The following SMYD3 variants were observed in gnomAD, a reference collection of about 807,000 sequenced individuals.
SMYD3 encodes the protein histone-lysine N-methyltransferase SMYD3.
SMYD3 carries 36 observed loss-of-function variants against 57.7 expected under a neutral mutation model. That is an observed-to-expected ratio of 0.62 (90% CI 0.48 to 0.82). SMYD3 has a LOEUF of 0.82. Among genes scored for constraint, SMYD3 ranks in the 40% least tolerant of loss-of-function variants. The probability of loss-of-function intolerance (pLI) is 0.00; values close to 1 mark genes in which losing one functional copy is unlikely to be tolerated. For missense variants in SMYD3, 515 were observed against 538.8 expected (o/e 0.96, Z 0.44); for synonymous variants, 211 against 195.0 (o/e 1.08, Z -0.68).
At chr1:245,762,760 A>G (rs1269938164) in intron 11 of SMYD3, among the ~76,000 whole-genome samples, 1 of 152,138 alleles carries the variant, frequency 6.6e-6, no homozygotes, top group Non-Finnish European at 1.5e-5. Context: ...GGCATTTGTC[A>G]TTTCTCTTAG....
intron 8 of SMYD3, among the ~76,000 whole-genome samples, chr1:245,888,082 G>A (rs1352739433): frequency 2.6e-5 from 4 of 152,208 alleles, no homozygotes; most frequent in Admixed American, 6.5e-5. Flanking sequence ...TTGTTGGGGT[G>A]AGTCAGGGCT....
intron 5 of SMYD3, among the ~76,000 whole-genome samples, chr1:246,040,357 C>T (rs1038727872): frequency 1.3e-5 from 2 of 152,210 alleles, no homozygotes; most frequent in African/African-American, 2.4e-5. Flanking sequence ...ACTTGTGCTT[C>T]GCCACCACAA....
intron 11 of SMYD3, 110 bp from the exon 12 acceptor site, chr1:245,749,774 G>C (rs1251804586): frequency 6.6e-6 from 5 of 757,030 alleles, no homozygotes; most frequent in Non-Finnish European, 1.1e-5. Context: ...CAGGTTTACA[G>C]GGTGAACAGT....
chr1:246,497,477 C>T (rs536635220), intron 1 of SMYD3, among the ~76,000 whole-genome samples: 3 of 152,230 alleles, frequency 2.0e-5, no homozygotes, highest in Admixed American at 6.5e-5. Context: ...TATTTGTATG[C>T]TTTTTACTCC....
intron 11 of SMYD3, among the ~76,000 whole-genome samples, chr1:245,763,677 C>T (rs559374381): frequency 1.3e-5 from 2 of 152,084 alleles, no homozygotes; most frequent in South Asian, 2.1e-4. Context: ...GACTGTGTTC[C>T]GTGGGCAATG....
chr1:246,261,183 C>T (rs1006236811), intron 5 of SMYD3, among the ~76,000 whole-genome samples: 3 of 152,054 alleles, frequency 2.0e-5, no homozygotes, highest in African/African-American at 7.2e-5. Context: ...CTCAGCCTCC[C>T]AAGTAGCTGG....
intron 5 of SMYD3, among the ~76,000 whole-genome samples, chr1:246,122,273 A>G (rs530300191): frequency 6.6e-6 from 1 of 151,918 alleles, no homozygotes; most frequent in East Asian, 2.0e-4. Context: ...TTAGCCAGCA[A>G]TGGTGATGCA....
At chr1:246,041,389 T>C (rs919022016) in intron 5 of SMYD3, among the ~76,000 whole-genome samples, 2 of 152,162 alleles carry the variant, frequency 1.3e-5, no homozygotes, top group Admixed American at 1.3e-4. Context: ...GACTTCAAAA[T>C]AAAAATACTA....
intron 10 of SMYD3, among the ~76,000 whole-genome samples, chr1:245,804,097 G>C (rs953791928): frequency 1.3e-5 from 2 of 151,872 alleles, no homozygotes; most frequent in Admixed American, 6.6e-5. Flanking sequence ...ATTTTTAGTA[G>C]AGACAGGGTT....
rs1198689407 is a variant in SMYD3 at position 245,819,150 on chromosome 1, C to G, written c.1076+39346G>C. On this transcript the variant is annotated intron_variant, in intron 10 of 11. Coordinates refer to ENST00000490107, the MANE Select transcript of SMYD3 (RefSeq NM_001167740.2). ...ATTGATCACATAGTTGGAAGTAAAG[C>G]TCTCCTCAGCAAATGTAAAAGAACA... 1.3e-4 allele frequency among the ~76,000 whole-genome samples: 18 copies of G among 142,566 alleles called. No individual in the cohort carries two copies. In the East Asian group the frequency reaches 1.6e-3, roughly 13 times the overall value. 93.5% of individuals were successfully genotyped at this position (142,566 alleles called of 152,430 possible).
At position 246,449,990 on chromosome 1, in the gene SMYD3, T is replaced by TA. The variant is rs754574665; in HGVS notation, c.164+57063dup. On this transcript the variant is annotated intron_variant, in intron 1 of 11. Coordinates refer to ENST00000490107, the MANE Select transcript of SMYD3 (RefSeq NM_001167740.2). Reference sequence around the variant, plus strand: ...AGAAAATGACCCAAACTAGTTCATGTAAAATCTCATCAACAGGCCGGGCAT... The same window carrying TA: ...AGAAAATGACCCAAACTAGTTCATGTAAAAATCTCATCAACAGGCCGGGCAT... 9.9e-5 allele frequency among the ~76,000 whole-genome samples: 15 copies of TA among 152,222 alleles called. No homozygotes were observed. In the East Asian group the frequency reaches 2.7e-3, roughly 28 times the overall value.
chr1:245,826,852 G>C (rs1363972716), intron 10 of SMYD3, among the ~76,000 whole-genome samples: 1 of 14,106 alleles, frequency 7.1e-5, no homozygotes, highest in Non-Finnish European at 5.6e-4. Context: ...CAGATCTCAA[G>C]AGAACTCACT....
Position 245,804,060 on chromosome 1 carries a change from C to A in SMYD3, c.1077-39911G>T, listed in dbSNP as rs549462193. On this transcript the variant is annotated intron_variant, in intron 10 of 11. Coordinates refer to ENST00000490107, the MANE Select transcript of SMYD3 (RefSeq NM_001167740.2). ...TCCAAGCAGCTGGGACCACAGGCGC[C>A]CACCACCACACTCGGGTAATTTTTG... Among the ~76,000 whole-genome samples the A allele has an allele frequency of 3.9e-5, 6 of 151,908 alleles. No individual in the cohort carries two copies. In the East Asian group the frequency reaches 7.9e-4, roughly 20 times the overall value.
intron 5 of SMYD3, among the ~76,000 whole-genome samples, chr1:246,300,372 G>A (rs889940850): frequency 1.3e-5 from 2 of 152,148 alleles, no homozygotes; most frequent in African/African-American, 4.8e-5. Flanking sequence ...GGACTTAGAT[G>A]TATTAAAGGT....
chr1:245,860,824 C>T (rs1302639633), intron 9 of SMYD3, among the ~76,000 whole-genome samples: 2 of 152,320 alleles, frequency 1.3e-5, no homozygotes, highest in Admixed American at 6.5e-5. Context: ...AGATATTTGA[C>T]GAACTGTCAG....
At chr1:246,384,603 G>A (rs1030966891) in intron 1 of SMYD3, among the ~76,000 whole-genome samples, 4 of 152,082 alleles carry the variant, frequency 2.6e-5, no homozygotes, top group Non-Finnish European at 5.9e-5. Flanking sequence ...CACCATGTTG[G>A]CCAGGCTGTT....
Position 245,927,973 on chromosome 1 carries a change from G to C in SMYD3, c.660C>G (p.His220Gln). ...TGTCTCGGACTGCTCGCAGTAAGAG[G>C]TGGGGCCCATTGAACACAATCGAAC... is the stretch of plus-strand genomic sequence containing the variant. ...PNCSIVFNGP[H>Q]LLLRAVRDIE... The change falls in exon 7 of 12, where the codon CAC becomes CAG. Residue 220 changes from histidine (H) to glutamine (Q), a missense_variant. By Grantham distance (24) the His-to-Gln change is conservative (BLOSUM62 0). Coordinates refer to ENST00000490107, the MANE Select transcript of SMYD3 (RefSeq NM_001167740.2). The C allele has an allele frequency of 6.2e-7, 1 of 1,613,114 alleles. No individual in the cohort carries two copies. The highest frequency in any genetic ancestry group is 8.5e-7 in the Non-Finnish European group (1 of 1,179,438).
At chr1:245,875,721 T>C (rs970563706) in intron 8 of SMYD3, among the ~76,000 whole-genome samples, 2 of 152,238 alleles carry the variant, frequency 1.3e-5, no homozygotes, top group Admixed American at 1.3e-4. Context: ...TTGATTAGTT[T>C]TTGTTTTCAT....
chr1:246,156,155 C>T (rs1158674171), intron 5 of SMYD3, among the ~76,000 whole-genome samples: 1 of 151,906 alleles, frequency 6.6e-6, no homozygotes, highest in East Asian at 1.9e-4. Flanking sequence ...TTACTACATG[C>T]AAAAAGACTT....
Sources: gnomAD v4.1 joint callset for allele counts (sites outside exome capture counted in the v4.1 genomes callset) on GRCh38, gnomAD v4.1.1 for gene constraint, MANE v1.5 for transcripts, NCBI Gene and HGNC (gene_info 2026-07-23, HGNC 2026-07-21) for gene names.